The following CFAP47 variants were observed in gnomAD, a reference collection of about 807,000 sequenced individuals.
CFAP47 encodes cilia and flagella associated protein 47, also known as cilia- and flagella-associated protein 47.
CFAP47 carries 29 observed loss-of-function variants against 148.1 expected under a neutral mutation model. That is an observed-to-expected ratio of 0.20 (90% CI 0.15 to 0.27). The LOEUF is 0.27. Ranked by LOEUF, CFAP47 falls within the 10% of genes least tolerant of loss-of-function variation. The pLI is 1.00. For missense variants in CFAP47, 1,872 were observed against 1,697.5 expected, an observed-to-expected ratio of 1.10 and a Z score of -1.81; for synonymous variants, 664 against 577.3, an observed-to-expected ratio of 1.15 and a Z score of -2.15.
intron 33 of CFAP47, among the ~76,000 whole-genome samples, chrX:36,120,718 G>A (rs1305178173): frequency 1.8e-5 from 2 of 109,828 alleles, no homozygotes; most frequent in Non-Finnish European, 3.8e-5. Flanking sequence ...ATTGTGTTCA[G>A]GGAAGATGCT....
intron 26 of CFAP47, among the ~76,000 whole-genome samples, chrX:36,057,547 A>G (rs1169038152): frequency 8.9e-6 from 1 of 112,180 alleles, no homozygotes; most frequent in East Asian, 2.8e-4. Flanking sequence ...GTGTAATGGA[A>G]TATTTATTAA....
At chrX:36,254,144 TG>T (rs1940723109) in intron 49 of CFAP47, among the ~76,000 whole-genome samples, 1 of 111,405 alleles carries the variant, frequency 9.0e-6, no homozygotes, top group Admixed American at 9.6e-5. Flanking sequence ...GGGAGCCTGA[TG>T]GAAGGAAATA....
intron 57 of CFAP47, among the ~76,000 whole-genome samples, chrX:36,344,031 A>G (rs1351831281): frequency 1.1e-5 from 1 of 94,340 alleles, no homozygotes; most frequent in Admixed American, 1.3e-4. Context: ...ATTGTTGGAC[A>G]TTTGGGTTGG....
rs2146647556 is a variant in CFAP47, at chrX:35,955,956, T to C, written c.1175-5T>C. 2 of 1,209,869 alleles carry C rather than the reference T, an allele frequency of 1.7e-6. No individual in the cohort carries two copies. Among genetic ancestry groups the C allele is most frequent in the Non-Finnish European group, 2.2e-6 (2 of 894,583 alleles). Reference sequence around the variant, plus strand: ...TATGTTCAACAGCTATTATTGCTTTTACAGGTGAACGATTTCAGAAAGTGG... The same window carrying C: ...TATGTTCAACAGCTATTATTGCTTTCACAGGTGAACGATTTCAGAAAGTGG... On this transcript the variant is annotated splice_region_variant and splice_polypyrimidine_tract_variant and intron_variant, in intron 7 of 63. Coordinates refer to ENST00000378653, the MANE Select transcript of CFAP47 (RefSeq NM_001304548.2).
chrX:35,936,908 C>A (rs1021109659), intron 2 of CFAP47, among the ~76,000 whole-genome samples: 3 of 108,185 alleles, frequency 2.8e-5, no homozygotes. Context: ...ACAAGTACCC[C>A]CTTGGCTGCC....
At position 35,948,426 on chromosome X, in the gene CFAP47, G is replaced by A. The variant is rs11798799; in HGVS notation, c.630G>A (p.Gln210=). The change falls in exon 4 of 64, where the codon CAG becomes CAA. Residue 210 remains glutamine, a synonymous_variant. Coordinates refer to ENST00000378653, the MANE Select transcript of CFAP47 (RefSeq NM_001304548.2). The part of the protein sequence containing the change: ...MVIKVDFCAD[Q]PRIVDEEAIV... ...TTAAAGTAGATTTCTGTGCAGACCA[G>A]CCAAGAATTGTAGATGAAGAGGCAA... 43,336 of 1,201,871 alleles carry A rather than the reference G, an allele frequency of 0.036. 649 individuals carry two copies. Among genetic ancestry groups the A allele is most frequent in the Middle Eastern group, 0.062 (269 of 4,326 alleles).
Position 36,099,798 on chromosome X carries a change from A to C in CFAP47, c.5046A>C (p.Lys1682Asn), listed in dbSNP as rs1938342309. 1 of 894,118 alleles carries C rather than the reference A, an allele frequency of 1.1e-6. No homozygotes were observed. Among genetic ancestry groups the C allele is most frequent in the Non-Finnish European group, 1.6e-6 (1 of 607,813 alleles). The allele number at this position is 894,118 out of a possible 1,213,427, so 73.7% of individuals were successfully genotyped here. Residue 1682 changes from lysine to asparagine, a missense_variant, in exon 32 of 64, where the codon AAA (lysine) becomes AAC (asparagine). By Grantham distance (94) the Lys-to-Asn change is moderately conservative. Coordinates refer to ENST00000378653, the MANE Select transcript of CFAP47 (RefSeq NM_001304548.2). ...MPVSSCTPKK[K>N]CSIVIEMSKF... ...TGAGTTCCTGTACACCTAAGAAAAAATGTTCTATTGTTATAGAAATGTCTA... is the reference window on the plus strand; with the variant it reads ...TGAGTTCCTGTACACCTAAGAAAAACTGTTCTATTGTTATAGAAATGTCTA...
chrX:36,213,668 T>C (rs1243080939), intron 45 of CFAP47, among the ~76,000 whole-genome samples: 1 of 111,839 alleles, frequency 8.9e-6, no homozygotes, highest in Non-Finnish European at 1.9e-5. Context: ...TGAGTAAGCA[T>C]TCAAGTCTAC....
intron 15 of CFAP47, among the ~76,000 whole-genome samples, chrX:35,977,654 C>T (rs1936589492): frequency 9.0e-6 from 1 of 111,392 alleles, no homozygotes; most frequent in South Asian, 3.8e-4. Context: ...ATATACTATA[C>T]TTCATATTTC....
chrX:36,346,995 A>G (rs901394185), intron 57 of CFAP47, among the ~76,000 whole-genome samples: 3 of 112,164 alleles, frequency 2.7e-5, no homozygotes, highest in Admixed American at 9.5e-5. Flanking sequence ...ATCAGAGTGA[A>G]CAGGCAACCT....
chrX:36,198,638 T>G (rs1939944466), intron 42 of CFAP47, among the ~76,000 whole-genome samples: 1 of 112,135 alleles, frequency 8.9e-6, no homozygotes, highest in Non-Finnish European at 1.9e-5. Context: ...TAAAATACTT[T>G]GATTTCTTTC....
intron 33 of CFAP47, among the ~76,000 whole-genome samples, chrX:36,121,737 T>C (rs145355137): frequency 0.012 from 1,316 of 111,622 alleles, 38 homozygotes; most frequent in East Asian, 0.075. Context: ...GTACTGTCTA[T>C]GTCTTGTAAT....
At chrX:36,006,189 T>A (rs1179034965) in intron 21 of CFAP47, among the ~76,000 whole-genome samples, 7 of 110,901 alleles carry the variant, frequency 6.3e-5, no homozygotes, top group Non-Finnish European at 1.1e-4. Flanking sequence ...TCACCAACAC[T>A]GTCAGCAATT....
chrX:36,129,610 G>A (rs1208338404), intron 33 of CFAP47, among the ~76,000 whole-genome samples: 4 of 110,964 alleles, frequency 3.6e-5, no homozygotes, highest in African/African-American at 6.5e-5. Flanking sequence ...AACAAAATTC[G>A]AAAATGCCCT....
chrX:36,319,387 T>A (rs1556011660), intron 57 of CFAP47, 80 bp downstream of exon 57: 1 of 399,708 alleles, frequency 2.5e-6, no homozygotes, highest in African/African-American at 2.7e-5. Flanking sequence ...TCTGTTGCCT[T>A]AGTAAATATT....
intron 33 of CFAP47, among the ~76,000 whole-genome samples, chrX:36,126,026 T>A (rs1938830348): frequency 9.0e-6 from 1 of 110,615 alleles, no homozygotes; most frequent in Non-Finnish European, 1.9e-5. Flanking sequence ...ATAAATACCA[T>A]AATAATTTTC....
At chrX:36,041,509 G>C (rs1194542529) in intron 25 of CFAP47, among the ~76,000 whole-genome samples, 36 of 111,246 alleles carry the variant, frequency 3.2e-4, no homozygotes, top group Non-Finnish European at 9.4e-5. Context: ...GAACTTTCAG[G>C]AAACAGATAT....
intron 8 of CFAP47, among the ~76,000 whole-genome samples, chrX:35,959,399 A>AT (rs774216056): frequency 1.8e-5 from 2 of 111,590 alleles, no homozygotes; most frequent in South Asian, 3.7e-4. Context: ...CAATTTATCT[A>AT]TTTTTTTCTT....
intron 19 of CFAP47, among the ~76,000 whole-genome samples, chrX:35,998,042 G>A (rs1936869477): frequency 9.0e-6 from 1 of 110,799 alleles, no homozygotes; most frequent in Non-Finnish European, 1.9e-5. Context: ...TGGAGTTATT[G>A]AGACATAGAG....
Sources: allele counts gnomAD v4.1 joint callset (sites outside exome capture counted in the v4.1 genomes callset), GRCh38; gene constraint gnomAD v4.1.1; transcripts MANE v1.5; gene names NCBI Gene and HGNC (gene_info 2026-07-23, HGNC 2026-07-21).